The following FPR2 variants were observed in gnomAD, a reference collection of about 807,000 sequenced individuals.
The protein encoded by FPR2 is N-formyl peptide receptor 2.
In FPR2, 3 loss-of-function variants were observed where a neutral mutation model predicts 4.0. The ratio of observed to expected loss-of-function variants is 0.74; its 90% CI spans 0.34 to 1.92. The LOEUF is 1.92. Ranked by LOEUF, FPR2 falls within the 30% of genes most tolerant of loss-of-function variation. The probability of loss-of-function intolerance (pLI) is 0.07; values close to 1 mark genes in which losing one functional copy is unlikely to be tolerated. For synonymous variants in FPR2, 179 were observed against 171.5 expected (o/e 1.04, Z -0.34); for missense variants, 372 against 435.7 (o/e 0.85, Z 1.30).
intron 1 of FPR2, chr19:51,768,304 G>C: frequency 4.9e-6 from 1 of 206,018 alleles, no homozygotes. Flanking sequence ...TTCTGATTCT[G>C]AGTCATGTGC....
At chr19:51,767,434 T>C (rs2083874359) in intron 1 of FPR2, among the ~76,000 whole-genome samples, 1 of 152,206 alleles carries the variant, frequency 6.6e-6, no homozygotes, top group South Asian at 2.1e-4. Context: ...TGAAGGGTCA[T>C]ATTCTTACAA....
chr19:51,765,590 G>T (rs1178466612), intron 1 of FPR2, among the ~76,000 whole-genome samples: 1 of 152,142 alleles, frequency 6.6e-6, no homozygotes, highest in East Asian at 1.9e-4. Context: ...AAAGCTCTTG[G>T]TGTGTGGGTA....
At chr19:51,764,048 G>A (rs965116423) in intron 1 of FPR2, among the ~76,000 whole-genome samples, 9 of 152,116 alleles carry the variant, frequency 5.9e-5, no homozygotes, top group African/African-American at 1.9e-4. Flanking sequence ...TGTGAGCCAC[G>A]GCACCTGGCC....
At position 51,769,706 on chromosome 19, in the gene FPR2, G is replaced by A. The variant is rs1376405898; in HGVS notation, c.1048G>A (p.Ala350Thr). 4 of 1,613,154 alleles carry A rather than the reference G, an allele frequency of 2.5e-6. No homozygotes were observed. The African/African-American group carries it at 4.0e-5, about 16-fold the overall frequency. The stretch of plus-strand genomic sequence containing the variant: ...ACCTCCTGCAGAGACTGAGTTACAG[G>A]CAATGTGAGGATGGGGTCAGGGATA... ...ASPPAETELQ[A>T]M The change falls in exon 2 of 2, where the codon GCA becomes ACA. Residue 350 changes from alanine to threonine, a missense_variant. Coordinates refer to ENST00000340023, the MANE Select transcript of FPR2 (RefSeq NM_001005738.2). This position sits in a 1 kb window ranked among gnomAD's most constrained non-coding sequence, Gnocchi z 4.4.
chr19:51,768,922 A>G lies in FPR2; in HGVS notation c.264A>G (p.Gly88=). ...TCCTCATTGTCTCCATGGCCATGGG[A>G]GAAAAATGGCCTTTTGGCTGGTTCC... ...LPFLIVSMAM[G]EKWPFGWFLC... The change falls in exon 2 of 2, where the codon GGA becomes GGG. Residue 88 remains glycine, a synonymous_variant. Transcript: ENST00000340023. The G allele has an allele frequency of 6.2e-7, 1 of 1,614,128 alleles. No individual in the cohort carries two copies. The highest frequency in any genetic ancestry group is 2.2e-5 in the East Asian group (1 of 44,884).
Position 51,769,272 on chromosome 19 carries a change from G to C in FPR2, c.614G>C (p.Arg205Pro). ...ATGCTGACAGCCAGAGGGATTATCC[G>C]GTTTGTCATTGGCTTTAGCTTGCCG... ...ITMLTARGII[R>P]FVIGFSLPMS... Residue 205 changes from arginine (R) to proline (P), a missense_variant, in exon 2 of 2, where the codon CGG becomes CCG. Physicochemically the swap from Arg to Pro is moderately radical, Grantham distance 103 (BLOSUM62 -2). Coordinates refer to ENST00000340023, the MANE Select transcript of FPR2 (RefSeq NM_001005738.2). This position sits in a 1 kb window ranked among gnomAD's most constrained non-coding sequence, Gnocchi z 4.4. 1 of 1,614,160 alleles carries C rather than the reference G, an allele frequency of 6.2e-7. No homozygotes were observed. Among genetic ancestry groups the C allele is most frequent in the Non-Finnish European group, 8.5e-7 (1 of 1,180,036 alleles).
Position 51,769,418 on chromosome 19 carries a change from T to C in FPR2, c.760T>C (p.Trp254Arg). The change falls in exon 2 of 2, where the codon TGG becomes CGG. Residue 254 changes from tryptophan to arginine, a missense_variant. Coordinates refer to ENST00000340023, the MANE Select transcript of FPR2 (RefSeq NM_001005738.2). The surrounding 1 kb of genome is among the most constrained non-coding windows in gnomAD (Gnocchi z 4.4). ...TAVVASFFIC[W>R]FPFQLVALLG... Reference sequence around the variant, plus strand: ...TGTGGTGGCTTCTTTCTTCATCTGTTGGTTTCCCTTTCAACTGGTTGCCCT... The same window carrying C: ...TGTGGTGGCTTCTTTCTTCATCTGTCGGTTTCCCTTTCAACTGGTTGCCCT... 1.2e-6 allele frequency: 2 copies of C among 1,614,220 alleles called. No homozygotes were observed. The highest frequency in any genetic ancestry group is 8.5e-7 in the Non-Finnish European group (1 of 1,180,032).
intron 1 of FPR2, among the ~76,000 whole-genome samples, chr19:51,764,859 CT>C (rs2083860209): frequency 6.6e-6 from 1 of 152,110 alleles, no homozygotes; most frequent in Non-Finnish European, 1.5e-5. Flanking sequence ...CAGAGTCTCG[CT>C]CTTTCACCCA....
At chr19:51,766,919 G>A (rs1044696244) in intron 1 of FPR2, among the ~76,000 whole-genome samples, 2 of 152,136 alleles carry the variant, frequency 1.3e-5, no homozygotes, top group Non-Finnish European at 2.9e-5. Flanking sequence ...TGAGATTTAT[G>A]GATATAATTG....
In FPR2 at chr19:51,769,181, T is replaced by A. The variant is rs202141015; in HGVS notation, c.523T>A (p.Tyr175Asn). 6.2e-7 allele frequency: 1 copy of A among 1,614,188 alleles called. No homozygotes were observed. Among genetic ancestry groups the A allele is most frequent in the South Asian group, 1.1e-5 (1 of 91,080 alleles). ...TTVTIPNGDTYCTFNFASWGG... is the reference protein window; with the variant it reads ...TTVTIPNGDTNCTFNFASWGG... ...AGTAACTATTCCAAATGGGGACACATACTGTACTTTCAACTTTGCATCCTG... is the reference window on the plus strand; with the variant it reads ...AGTAACTATTCCAAATGGGGACACAAACTGTACTTTCAACTTTGCATCCTG... The change falls in exon 2 of 2, where the codon TAC becomes AAC. Residue 175 changes from tyrosine to asparagine, a missense_variant. By Grantham distance (143) the Tyr-to-Asn change is moderately radical. Transcript: ENST00000340023. The surrounding 1 kb of genome is among the most constrained non-coding windows in gnomAD (Gnocchi z 4.4).
intron 1 of FPR2, among the ~76,000 whole-genome samples, chr19:51,764,669 A>T (rs1424658624): frequency 1.3e-5 from 2 of 152,146 alleles, no homozygotes; most frequent in Non-Finnish European, 2.9e-5. Context: ...CATATTAAGG[A>T]CTCACCAAAT....
At position 51,768,735 on chromosome 19, in the gene FPR2, G is replaced by A. The variant is rs778561198; in HGVS notation, c.77G>A (p.Arg26Gln). ...GAGTCTGCTGGCTACACTGTTCTGC[G>A]GATCCTCCCATTGGTGGTGCTTGGG... ...SYESAGYTVL[R>Q]ILPLVVLGVT... The change falls in exon 2 of 2, where the codon CGG becomes CAG. Residue 26 changes from arginine (R) to glutamine (Q), a missense_variant. By Grantham distance (43) the Arg-to-Gln change is conservative. Coordinates refer to ENST00000340023, the MANE Select transcript of FPR2 (RefSeq NM_001005738.2). 8.7e-6 allele frequency: 14 copies of A among 1,614,122 alleles called. No homozygotes were observed. Among genetic ancestry groups the A allele is most frequent in the Middle Eastern group, 1.6e-4 (1 of 6,062 alleles).
Position 51,768,691 on chromosome 19 carries a change from AT to A in FPR2, c.34del (p.Tyr12MetfsTer36). The A allele has an allele frequency of 6.2e-7, 1 of 1,611,440 alleles. No individual in the cohort carries two copies. Among genetic ancestry groups the A allele is most frequent in the Non-Finnish European group, 8.5e-7 (1 of 1,178,154 alleles). On this transcript the variant is annotated frameshift_variant, in exon 2 of 2. Coordinates refer to ENST00000340023, the MANE Select transcript of FPR2 (RefSeq NM_001005738.2). LOFTEE classifies it low-confidence loss of function (END_TRUNC). ...ETNFSTPLNE[Y>X]EEVSYESAGY... ...CCAACTTCTCCACTCCTCTGAATGAATATGAAGAAGTGTCCTATGAGTCTGC... is the reference window on the plus strand; with the variant it reads ...CCAACTTCTCCACTCCTCTGAATGAAATGAAGAAGTGTCCTATGAGTCTGC...
rs550124379 is a variant in FPR2 at position 51,761,707 on chromosome 19, C to T, written c.-15+477C>T. On this transcript the variant is annotated intron_variant, in intron 1 of 1. Transcript: ENST00000340023. ...ACTCAGGAGGCTGAGGCAGGAGAAT[C>T]GCTTGAACCTAGGAGGCCGAGGTTG... Among the ~76,000 whole-genome samples the T allele has an allele frequency of 3.9e-5, 6 of 152,188 alleles. No homozygotes were observed. The East Asian group carries it at 7.8e-4, about 20-fold the overall frequency.
intron 1 of FPR2, among the ~76,000 whole-genome samples, chr19:51,761,492 A>G (rs541782078): frequency 1.3e-5 from 2 of 152,224 alleles, no homozygotes; most frequent in Admixed American, 1.3e-4. Context: ...GATTTTTTTT[A>G]TTTGCGGGGT....
intron 1 of FPR2, among the ~76,000 whole-genome samples, chr19:51,766,963 G>A (rs1425260337): frequency 6.6e-6 from 1 of 152,162 alleles, no homozygotes; most frequent in Non-Finnish European, 1.5e-5. Context: ...AGGGGTATAT[G>A]TGCAGGTTTG....
At chr19:51,762,860 C>T (rs539447499) in intron 1 of FPR2, 1 of 152,314 alleles carries the variant, frequency 6.6e-6, no homozygotes, top group Admixed American at 6.5e-5. Context: ...GCTGTGCATT[C>T]AGCAGATTCT....
Position 51,769,956 on chromosome 19 carries a change from A to G in FPR2, c.*242A>G, listed in dbSNP as rs2122369470. On this transcript the variant is annotated 3_prime_UTR_variant, in exon 2 of 2. Transcript: ENST00000340023. This position sits in a 1 kb window ranked among gnomAD's most constrained non-coding sequence, Gnocchi z 4.4. ...CCTGGGGTAAGTGGAGTTGGGAAAT[A>G]CAAGAAGAGAAAGACCAGTGGGGAT... 1 of 501,176 alleles carries G rather than the reference A, an allele frequency of 2.0e-6. No individual in the cohort carries two copies. Among genetic ancestry groups the G allele is most frequent in the Non-Finnish European group, 3.7e-6 (1 of 271,190 alleles). 31.0% of individuals were successfully genotyped at this position (501,176 alleles called of 1,614,324 possible).
At position 51,768,819 on chromosome 19, in the gene FPR2, G is replaced by C. The variant is rs192933693; in HGVS notation, c.161G>C (p.Arg54Pro). 1.2e-6 allele frequency: 2 copies of C among 1,614,120 alleles called. No individual in the cohort carries two copies. Among genetic ancestry groups the C allele is most frequent in the Admixed American group, 3.3e-5 (2 of 60,016 alleles). Residue 54 changes from arginine to proline, a missense_variant, in exon 2 of 2, where the codon CGG becomes CCG. By Grantham distance (103) the Arg-to-Pro change is moderately radical (BLOSUM62 -2). Transcript: ENST00000340023. ...NGLVIWVAGF[R>P]MTRTVTTICY... is the part of the protein sequence containing the mutation. The stretch of plus-strand genomic sequence containing the variant: ...CTTGTGATCTGGGTGGCTGGATTCC[G>C]GATGACACGCACAGTCACCACCATC...
Sources: allele counts gnomAD v4.1 joint callset (sites outside exome capture counted in the v4.1 genomes callset), GRCh38; gene constraint gnomAD v4.1.1; non-coding constraint Gnocchi (gnomAD v3.1); transcripts MANE v1.5; gene names NCBI Gene and HGNC (gene_info 2026-07-23, HGNC 2026-07-21).